The following ANK2 variants were observed in gnomAD, a reference collection of about 807,000 sequenced individuals.
ANK2 encodes the protein ankyrin-2.
In ANK2, 83 loss-of-function variants were observed where a neutral mutation model predicts 360.5. The observed-to-expected ratio is 0.23, with a 90% CI of 0.19 to 0.28. ANK2 has a LOEUF of 0.28. Among genes scored for constraint, ANK2 ranks in the 10% least tolerant of loss-of-function variants. The pLI is 1.00. For missense variants in ANK2, 4,201 were observed against 4,795.7 expected (o/e 0.88, Z 3.66); for synonymous variants, 1,740 against 1,759.5 (o/e 0.99, Z 0.28).
At chr4:112,762,253 T>C in the ANK2 span, among the ~76,000 whole-genome samples, 4 of 152,212 alleles carry the variant, frequency 2.6e-5, no homozygotes, top group Non-Finnish European at 5.9e-5. Context: ...ATTAAATAAA[T>C]CATTGGAACA....
intron 1 of ANK2, among the ~76,000 whole-genome samples, chr4:113,106,075 T>G (rs1229577923): frequency 6.6e-6 from 1 of 152,194 alleles, no homozygotes; most frequent in Non-Finnish European, 1.5e-5. Context: ...ATTCAGTTAT[T>G]CTAGCTTACT....
In ANK2 at chr4:112,867,140, C is replaced by T. The variant is rs188151539; in HGVS notation, c.-39-37315C>T. Among the ~76,000 whole-genome samples the T allele has an allele frequency of 8.6e-5, 13 of 151,522 alleles. No homozygotes were observed. In the East Asian group the frequency reaches 2.5e-3, roughly 29 times the overall value. On this transcript the variant is annotated intron_variant, in intron 1 of 30. Coordinates refer to the ANK2 transcript ENST00000503271. ...GGTCTTACATTTTTTTTTCCTTGAA[C>T]TCTACCTGCCTATGTTTTATCTGCA...
chr4:113,282,591 G>T (rs913700948), intron 17 of ANK2, 84 bp from the exon 18 acceptor site: 8 of 1,297,832 alleles, frequency 6.2e-6, no homozygotes, highest in East Asian at 2.5e-5. Flanking sequence ...ATTGATTAGA[G>T]ATTTTTATTT....
chr4:113,274,959 G>A (rs373266023), intron 15 of ANK2, among the ~76,000 whole-genome samples: 76 of 152,152 alleles, frequency 5.0e-4, no homozygotes, highest in African/African-American at 1.7e-3. Context: ...TTAAGAAAAA[G>A]ATAAATGAAA....
intron 2 of ANK2, among the ~76,000 whole-genome samples, chr4:113,005,975 C>T (rs986606368): frequency 3.9e-5 from 6 of 152,152 alleles, no homozygotes; most frequent in Non-Finnish European, 7.4e-5. Context: ...GAGGCCCTCA[C>T]CAGAAGCAGA....
At chr4:113,368,824 A>G (rs1326800701) in intron 42 of ANK2, among the ~76,000 whole-genome samples, 1 of 152,198 alleles carries the variant, frequency 6.6e-6, no homozygotes, top group Non-Finnish European at 1.5e-5. Flanking sequence ...GGACCAAGGA[A>G]AAGATGGGAA....
the ANK2 span, chr4:112,738,882 C>A: frequency 2.8e-5 from 19 of 670,914 alleles, no homozygotes; most frequent in South Asian, 9.6e-5. Flanking sequence ...AACAAACAAA[C>A]AAACAAAAAA....
Position 113,049,671 on chromosome 4 carries a change from G to A in ANK2, c.-58G>A. On this transcript the variant is annotated 5_prime_UTR_variant, in exon 1 of 46. Coordinates refer to ENST00000357077, the MANE Select transcript of ANK2 (RefSeq NM_001148.6). ...CTCCAGTAAGTGCATACCCGCTAGT[G>A]GTCTGTACAGGCGGCACGGTTTGAT... 1 of 1,587,596 alleles carries A rather than the reference G, an allele frequency of 6.3e-7. No homozygotes were observed. Among genetic ancestry groups the A allele is most frequent in the Non-Finnish European group, 8.6e-7 (1 of 1,164,804 alleles).
intron 1 of ANK2, among the ~76,000 whole-genome samples, chr4:113,073,468 T>A (rs1395276131): frequency 6.6e-6 from 1 of 152,162 alleles, no homozygotes; most frequent in Non-Finnish European, 1.5e-5. Flanking sequence ...CTACCTAGAT[T>A]GCCTATGTGA....
At chr4:112,987,556 G>A (rs1309505868) in intron 2 of ANK2, among the ~76,000 whole-genome samples, 2 of 152,014 alleles carry the variant, frequency 1.3e-5, no homozygotes, top group Admixed American at 6.6e-5. Context: ...ACAAGGAAAT[G>A]ACCAACTGGC....
intron 4 of ANK2, among the ~76,000 whole-genome samples, chr4:113,226,570 A>T (rs969614527): frequency 6.6e-6 from 1 of 152,192 alleles, no homozygotes; most frequent in Non-Finnish European, 1.5e-5. Context: ...CTAATTATAT[A>T]GGTGTTCACT....
At chr4:113,360,419 C>T (rs2096131124) in intron 38 of ANK2, among the ~76,000 whole-genome samples, 1 of 152,038 alleles carries the variant, frequency 6.6e-6, no homozygotes, top group Admixed American at 6.6e-5. Flanking sequence ...TGATCTATCC[C>T]TCCACAAGCA....
At chr4:113,074,328 T>C (rs942220324) in intron 1 of ANK2, among the ~76,000 whole-genome samples, 5 of 152,200 alleles carry the variant, frequency 3.3e-5, no homozygotes, top group Non-Finnish European at 7.3e-5. Context: ...CAACTGTGGC[T>C]CCACATTTGA....
At position 113,318,569 on chromosome 4, in the gene ANK2, G is replaced by A. The variant is rs1437372961; in HGVS notation, c.2849G>A (p.Gly950Asp). 1.2e-5 allele frequency: 19 copies of A among 1,613,818 alleles called. No homozygotes were observed. The highest frequency in any genetic ancestry group is 1.6e-5 in the Non-Finnish European group (19 of 1,179,846). ...AGGAATTCTTATCGCCTAAGCTGGG[G>A]CACTGAGAACTTAGACAACGTGGCT... ...AERNSYRLSW[G>D]TENLDNVALS... Residue 950 changes from glycine (G) to aspartate (D), a missense_variant, in exon 26 of 46, where the codon GGC becomes GAC. Physicochemically the swap from Gly to Asp is moderately conservative, Grantham distance 94. Coordinates refer to ENST00000357077, the MANE Select transcript of ANK2 (RefSeq NM_001148.6).
chr4:112,850,763 G>A (rs1046436578), intron 1 of ANK2, among the ~76,000 whole-genome samples: 11 of 151,536 alleles, frequency 7.3e-5, no homozygotes, highest in Admixed American at 1.3e-4. Flanking sequence ...TGATCCGCCC[G>A]CCTCTGCCTC....
At chr4:112,835,205 A>AT (rs2060741716) in intron 1 of ANK2, among the ~76,000 whole-genome samples, 1 of 152,226 alleles carries the variant, frequency 6.6e-6, no homozygotes, top group African/African-American at 2.4e-5. Flanking sequence ...TTACAAAACG[A>AT]TTTTTAAATT....
At chr4:112,819,026 C>T (rs889708948) in intron 1 of ANK2, among the ~76,000 whole-genome samples, 1 of 151,954 alleles carries the variant, frequency 6.6e-6, no homozygotes, top group Non-Finnish European at 1.5e-5. Flanking sequence ...ATTTTTTATT[C>T]CTAAAAAGCA....
chr4:113,151,109 C>T (rs1056901729), intron 1 of ANK2: 21 of 1,288,660 alleles, frequency 1.6e-5, no homozygotes, highest in East Asian at 5.5e-5. Flanking sequence ...AACCAGAGGC[C>T]GCCAACATTG....
At chr4:112,711,615 G>A in the ANK2 span, among the ~76,000 whole-genome samples, 26 of 151,894 alleles carry the variant, frequency 1.7e-4, no homozygotes, top group African/African-American at 5.8e-4. Context: ...TCAGGAGTTC[G>A]AGACCAGCAT....
Sources: gnomAD v4.1 joint callset for allele counts (sites outside exome capture counted in the v4.1 genomes callset) on GRCh38, gnomAD v4.1.1 for gene constraint, MANE v1.5 for transcripts, NCBI Gene and HGNC (gene_info 2026-07-23, HGNC 2026-07-21) for gene names.